Variants in DGLUCY observed in about 807,000 individuals in gnomAD.
DGLUCY encodes D-glutamate cyclase, also known as D-glutamate cyclase, mitochondrial.
Under a neutral mutation model 58.5 loss-of-function variants are expected in DGLUCY, and 58 were observed. That is an observed-to-expected ratio of 0.99 (90% CI 0.80 to 1.23). The LOEUF (loss-of-function observed/expected upper bound fraction) is 1.23, where lower values mean the gene tolerates loss of function less well. Ranked by LOEUF, DGLUCY falls within the 50% of genes most tolerant of loss-of-function variation. DGLUCY has a pLI of 0.00. For missense variants in DGLUCY, 779 were observed against 784.7 expected, an observed-to-expected ratio of 0.99 and a Z score of 0.09; for synonymous variants, 325 against 314.1, an observed-to-expected ratio of 1.03 and a Z score of -0.37.
chr14:91,158,043 T>C (rs1433414056), intron 2 of DGLUCY, among the ~76,000 whole-genome samples: 1 of 151,786 alleles, frequency 6.6e-6, no homozygotes, highest in East Asian at 1.9e-4. Context: ...ATCAGAGGAG[T>C]GGCTGCTATT....
At chr14:91,168,231 A>G (rs1157707090) in intron 4 of DGLUCY, among the ~76,000 whole-genome samples, 1 of 151,892 alleles carries the variant, frequency 6.6e-6, no homozygotes, top group African/African-American at 2.4e-5. Flanking sequence ...ATGTCACTGC[A>G]CTCCAGCCTG....
Position 91,215,627 on chromosome 14 carries a change from C to G in DGLUCY, c.1716+71C>G, listed in dbSNP as rs766158475. 8 of 1,590,286 alleles carry G rather than the reference C, an allele frequency of 5.0e-6. No individual in the cohort carries two copies. The Admixed American group carries it at 1.3e-4, about 25-fold the overall frequency. Reference sequence around the variant, plus strand: ...TGGATGAGCAGCAGGCCTGAGGTCCCAAGCCGTAAGCCGAGGGCTGGCACC... The same window carrying G: ...TGGATGAGCAGCAGGCCTGAGGTCCGAAGCCGTAAGCCGAGGGCTGGCACC... On this transcript the variant is annotated intron_variant, in intron 13 of 13. Transcript: ENST00000256324.
intron 1 of DGLUCY, among the ~76,000 whole-genome samples, chr14:91,133,986 A>G (rs760883377): frequency 6.6e-6 from 1 of 152,140 alleles, no homozygotes; most frequent in African/African-American, 2.4e-5. Context: ...TAATTGGACT[A>G]TTCATTTGTT....
intron 1 of DGLUCY, among the ~76,000 whole-genome samples, chr14:91,152,999 GTTAT>G (rs2047407897): frequency 6.6e-6 from 1 of 152,138 alleles, no homozygotes; most frequent in Non-Finnish European, 1.5e-5. Context: ...AGGAGCCTGG[GTTAT>G]GAAGTTCAGT....
chr14:91,221,485 AATGGATGGATGC>A (rs1220672333), intron 13 of DGLUCY, among the ~76,000 whole-genome samples: 4 of 149,916 alleles, frequency 2.7e-5, no homozygotes, highest in South Asian at 2.1e-4. Flanking sequence ...ATGCGTGGAT[AATGGATGGATGC>A]ATGGATGGAT....
intron 8 of DGLUCY, chr14:91,185,480 TC>T (rs1263471051): frequency 2.0e-5 from 3 of 151,164 alleles, no homozygotes; most frequent in Admixed American, 6.6e-5. Context: ...AGATGGGGTC[TC>T]CCTGTGTTGA....
chr14:91,149,746 T>C (rs2047209316), intron 1 of DGLUCY, among the ~76,000 whole-genome samples: 2 of 152,264 alleles, frequency 1.3e-5, no homozygotes, highest in African/African-American at 4.8e-5. Context: ...TGGCCTTTCT[T>C]GCCCTTAGCA....
At chr14:91,141,642 C>T (rs1019130639) in intron 1 of DGLUCY, among the ~76,000 whole-genome samples, 2 of 150,936 alleles carry the variant, frequency 1.3e-5, no homozygotes, top group African/African-American at 4.9e-5. Flanking sequence ...ACCTCCGCCT[C>T]CTGGGTTCAA....
rs34302825 is a variant in DGLUCY, at chr14:91,176,051, G to A, written c.725G>A (p.Ser242Asn). The A allele has an allele frequency of 0.05, 80,263 of 1,613,766 alleles. 2,308 individuals carry two copies. The highest frequency in any genetic ancestry group is 0.062 in the South Asian group (5,662 of 91,070). Residue 242 changes from serine (S) to asparagine (N), a missense_variant, in exon 7 of 14, where the codon AGC becomes AAC. Transcript: ENST00000256324. ...SPLTSLGAVS[S>N]CETPLAFASI... ...CTGACCAGTCTCGGAGCTGTCAGCA[G>A]CTGTGGTACGTTGGGGGATAATGGG...
At chr14:91,101,955 A>G (rs949120061) in intron 1 of DGLUCY, among the ~76,000 whole-genome samples, 1 of 152,124 alleles carries the variant, frequency 6.6e-6, no homozygotes, top group African/African-American at 2.4e-5. Flanking sequence ...GGCCTCCCAA[A>G]GTGTTGAAAT....
chr14:91,121,258 C>T (rs1273044891), intron 1 of DGLUCY, among the ~76,000 whole-genome samples: 1 of 152,208 alleles, frequency 6.6e-6, no homozygotes, highest in Non-Finnish European at 1.5e-5. Context: ...AGAAAGTGCT[C>T]TGTAAATGGC....
chr14:91,077,991 T>C (rs1343008287), intron 1 of DGLUCY, among the ~76,000 whole-genome samples: 2 of 152,176 alleles, frequency 1.3e-5, no homozygotes, highest in Non-Finnish European at 2.9e-5. Context: ...TCTGGTGCAG[T>C]AAACATTAAC....
chr14:91,167,401 G>T (rs758246279), intron 4 of DGLUCY, 23 bp downstream of exon 4: 5 of 1,614,052 alleles, frequency 3.1e-6, no homozygotes, highest in African/African-American at 1.3e-5. Flanking sequence ...GGTTACTGTG[G>T]GTTGAAGCTT....
chr14:91,103,212 G>A (rs922313343), upstream of DGLUCY, among the ~76,000 whole-genome samples: 5 of 152,008 alleles, frequency 3.3e-5, no homozygotes, highest in African/African-American at 9.7e-5. Context: ...CTTCATCCAC[G>A]CACTCCATGC....
intron 6 of DGLUCY, among the ~76,000 whole-genome samples, chr14:91,174,069 G>A (rs1173468220): frequency 6.6e-6 from 1 of 151,994 alleles, no homozygotes; most frequent in African/African-American, 2.4e-5. Flanking sequence ...AGGGGCTAAA[G>A]GTCAAGCTGA....
intron 9 of DGLUCY, among the ~76,000 whole-genome samples, chr14:91,193,163 G>A (rs1237216765): frequency 6.6e-6 from 1 of 152,180 alleles, no homozygotes; most frequent in Non-Finnish European, 1.5e-5. Flanking sequence ...AAGGAGCAGC[G>A]CTGAGGCCAG....
chr14:91,204,971 A>T (rs1035290475), intron 12 of DGLUCY, 146 bp downstream of exon 12: 3 of 1,072,858 alleles, frequency 2.8e-6, no homozygotes, highest in Admixed American at 2.3e-5. Context: ...TCAGCCTATG[A>T]CCTTTCATTC....
intron 1 of DGLUCY, among the ~76,000 whole-genome samples, chr14:91,108,487 T>C (rs1011310570): frequency 1.3e-5 from 1 of 74,970 alleles, no homozygotes; most frequent in Admixed American, 1.6e-4. Flanking sequence ...CTTGAAGAAT[T>C]TGTGTGTGTG....
intron 4 of DGLUCY, 49 bp downstream of exon 4, chr14:91,167,427 C>T: frequency 6.2e-7 from 1 of 1,610,292 alleles, no homozygotes; most frequent in Non-Finnish European, 8.5e-7. Context: ...TGTCCAGGTG[C>T]TGTAGCCAGG....
Sources: gnomAD v4.1 joint callset for allele counts (sites outside exome capture counted in the v4.1 genomes callset) on GRCh38, gnomAD v4.1.1 for gene constraint, MANE v1.5 for transcripts, NCBI Gene and HGNC (gene_info 2026-07-23, HGNC 2026-07-21) for gene names.